Variants in GRIP2 observed in about 807,000 individuals in gnomAD.
GRIP2 encodes the protein glutamate receptor interacting protein 2, also known as glutamate receptor-interacting protein 2.
GRIP2 carries 58 observed loss-of-function variants against 108.3 expected under a neutral mutation model. The ratio of observed to expected loss-of-function variants is 0.54; its 90% CI spans 0.43 to 0.67. GRIP2 has a LOEUF of 0.67. Ranked by LOEUF, GRIP2 falls within the 30% of genes least tolerant of loss-of-function variation. The probability of loss-of-function intolerance (pLI) is 0.00; values close to 1 mark genes in which losing one functional copy is unlikely to be tolerated. For synonymous variants in GRIP2, 586 were observed against 598.2 expected, an observed-to-expected ratio of 0.98 and a Z score of 0.30; for missense variants, 1,278 against 1,430.6, an observed-to-expected ratio of 0.89 and a Z score of 1.72.
chr3:14,543,076 C>T (rs547892405), upstream of GRIP2, among the ~76,000 whole-genome samples: 8 of 152,194 alleles, frequency 5.3e-5, no homozygotes, highest in South Asian at 2.1e-4. Context: ...AGTTTGTCCA[C>T]GAAGGAAAAA....
chr3:14,496,359 A>G (rs11918344), intron 22 of GRIP2, 58 bp downstream of exon 22: 789,437 of 1,468,626 alleles, frequency 0.54, 219,164 homozygotes, highest in African/African-American at 0.82. Flanking sequence ...GTCCCACGAC[A>G]GTGCTCATGG....
the GRIP2 span, among the ~76,000 whole-genome samples, chr3:14,588,423 G>T: frequency 6.6e-6 from 1 of 152,088 alleles, no homozygotes; most frequent in Admixed American, 6.5e-5. Context: ...AAACTGAGTG[G>T]TCTCTGAGAA....
At chr3:14,578,907 C>T in the GRIP2 span, among the ~76,000 whole-genome samples, 1 of 150,414 alleles carries the variant, frequency 6.6e-6, no homozygotes, top group East Asian at 2.0e-4. Context: ...GTGGACCTAA[C>T]AGTTTCTTAT....
At chr3:14,537,575 A>G (rs1233194726) in intron 1 of GRIP2, among the ~76,000 whole-genome samples, 7 of 152,224 alleles carry the variant, frequency 4.6e-5, no homozygotes, top group African/African-American at 1.7e-4. Context: ...AGAATCAAAG[A>G]GGTGGAATGA....
upstream of GRIP2, among the ~76,000 whole-genome samples, chr3:14,559,695 A>AC (rs35745069): frequency 0.23 from 35,704 of 152,014 alleles, 4,420 homozygotes; most frequent in South Asian, 0.33. Context: ...TCCAGGTCCC[A>AC]CTGAGGAGCT....
intron 17 of GRIP2, among the ~76,000 whole-genome samples, chr3:14,509,448 G>A (rs1433059839): frequency 6.6e-6 from 1 of 152,234 alleles, no homozygotes. Context: ...GAAAGCCCTA[G>A]GCAGTGCTGG....
In GRIP2 at chr3:14,513,756, G is replaced by A. The variant is rs374934598; in HGVS notation, c.1548C>T (p.Thr516=). The change falls in exon 13 of 24, where the codon ACC becomes ACT. Residue 516 remains threonine, a synonymous_variant. Coordinates refer to ENST00000621039, the MANE Select transcript of GRIP2 (RefSeq NM_001080423.4). ...TGGCTTCCTCCATAGTCCCGTCCTC[G>A]GTGGCAATGCCATTGATGGACAGGA... ...DRVLSINGIA[T]EDGTMEEANQ... 5.0e-5 allele frequency: 80 copies of A among 1,612,008 alleles called. 1 individual carries two copies. Among genetic ancestry groups the A allele is most frequent in the Middle Eastern group, 3.3e-4 (2 of 6,084 alleles).
intron 17 of GRIP2, among the ~76,000 whole-genome samples, chr3:14,508,764 TAA>T (rs1694000223): frequency 3.3e-5 from 5 of 152,154 alleles, no homozygotes; most frequent in Non-Finnish European, 7.4e-5. Flanking sequence ...AAAAAGAATA[TAA>T]GACATGTTCT....
chr3:14,521,487 TA>T lies in GRIP2; in HGVS notation c.712+154del. ...GATCCCCAGCACATCAAACAATGCC[TA>T]GCACATACTATTTACTGCCCAGAGA... On this transcript the variant is annotated intron_variant, in intron 7 of 23. Coordinates refer to ENST00000621039, the MANE Select transcript of GRIP2 (RefSeq NM_001080423.4). This position sits in a 1 kb window ranked among gnomAD's most constrained non-coding sequence, Gnocchi z 5.1. 1.3e-6 allele frequency: 1 copy of T among 772,214 alleles called. No individual in the cohort carries two copies. Among genetic ancestry groups the T allele is most frequent in the Non-Finnish European group, 2.0e-6 (1 of 489,828 alleles). The allele number at this position is 772,214 out of a possible 1,614,324, so 47.8% of individuals were successfully genotyped here.
chr3:14,510,112 C>A, intron 16 of GRIP2, 148 bp from the exon 17 acceptor site: 1 of 644,102 alleles, frequency 1.6e-6, no homozygotes, highest in East Asian at 3.4e-5. Context: ...AACCTGGGGA[C>A]CCTGAGGCCA....
chr3:14,561,720 T>A, the GRIP2 span, among the ~76,000 whole-genome samples: 2 of 152,242 alleles, frequency 1.3e-5, no homozygotes, highest in African/African-American at 2.4e-5. Context: ...TTTAATCTTC[T>A]CAGCCTTTTC....
At chr3:14,573,374 C>G in the GRIP2 span, 1 of 1,332,630 alleles carries the variant, frequency 7.5e-7, no homozygotes, top group Non-Finnish European at 1.1e-6. Context: ...TCTCCAGGTC[C>G]CGCGGGATGG....
intron 1 of GRIP2, among the ~76,000 whole-genome samples, chr3:14,526,688 C>T (rs556209039): frequency 6.6e-6 from 1 of 152,298 alleles, no homozygotes; most frequent in African/African-American, 2.4e-5. Flanking sequence ...CACACCCACC[C>T]TTCTCTCATA....
At chr3:14,532,430 G>T (rs1051648502) in intron 1 of GRIP2, among the ~76,000 whole-genome samples, 9 of 152,152 alleles carry the variant, frequency 5.9e-5, no homozygotes, top group Admixed American at 5.9e-4. Context: ...CGCACTATGG[G>T]TATTTTTTGC....
chr3:14,556,754 G>A (rs773826677), upstream of GRIP2, among the ~76,000 whole-genome samples: 3 of 152,196 alleles, frequency 2.0e-5, no homozygotes, highest in East Asian at 1.9e-4. Flanking sequence ...CCTTCTTGTC[G>A]TACACATGGC....
At chr3:14,549,465 G>C (rs1435614337) in intron 1 of GRIP2, among the ~76,000 whole-genome samples, 1 of 152,230 alleles carries the variant, frequency 6.6e-6, no homozygotes, top group Non-Finnish European at 1.5e-5. Flanking sequence ...CTTCAGTGGA[G>C]ACCCAGTGTG....
chr3:14,598,205 C>G, the GRIP2 span, among the ~76,000 whole-genome samples: 2 of 151,898 alleles, frequency 1.3e-5, no homozygotes, highest in Non-Finnish European at 2.9e-5. Flanking sequence ...ACCTCGTGGA[C>G]CATTTGTAAC....
rs1347033043 is a variant in GRIP2, at chr3:14,507,746, G to T, written c.2079-46C>A. ...AGAGAATGGGAGTTAGACACTCAGG[G>T]CCTCAGAGTGGCAGTCTGCCCTCAG... On this transcript the variant is annotated intron_variant, in intron 17 of 23. Coordinates refer to ENST00000621039, the MANE Select transcript of GRIP2 (RefSeq NM_001080423.4). The surrounding 1 kb of genome is among the most constrained non-coding windows in gnomAD (Gnocchi z 4.6). 1 of 1,591,322 alleles carries T rather than the reference G, an allele frequency of 6.3e-7. No individual in the cohort carries two copies. The highest frequency in any genetic ancestry group is 1.1e-5 in the South Asian group (1 of 90,436).
intron 7 of GRIP2, 88 bp from the exon 8 acceptor site, chr3:14,520,625 C>A: frequency 1.4e-6 from 2 of 1,408,040 alleles, no homozygotes; most frequent in Non-Finnish European, 9.9e-7. Flanking sequence ...TTAATCCTTG[C>A]TGCCTGGAAG....
Sources: gnomAD v4.1 joint callset for allele counts (sites outside exome capture counted in the v4.1 genomes callset) on GRCh38, gnomAD v4.1.1 for gene constraint, Gnocchi (gnomAD v3.1) non-coding constraint, MANE v1.5 for transcripts, NCBI Gene and HGNC (gene_info 2026-07-23, HGNC 2026-07-21) for gene names.